Variants in LHFPL3 observed in about 807,000 individuals in gnomAD.
LHFPL3 encodes the protein LHFPL tetraspan subfamily member 3, also known as LHFPL tetraspan subfamily member 3 protein.
Under a neutral mutation model 19.3 loss-of-function variants are expected in LHFPL3, and 5 were observed. That is an observed-to-expected ratio of 0.26 (90% CI 0.14 to 0.54). The LOEUF is 0.54. Ranked by LOEUF, LHFPL3 falls within the 20% of genes least tolerant of loss-of-function variation. The pLI, the probability that LHFPL3 is intolerant of heterozygous loss-of-function variation, is 0.94. For synonymous variants in LHFPL3, 133 were observed against 126.2 expected (o/e 1.05, Z -0.36); for missense variants, 249 against 307.4 (o/e 0.81, Z 1.42).
intron 1 of LHFPL3, among the ~76,000 whole-genome samples, chr7:104,523,746 A>G (rs878938499): frequency 6.6e-6 from 1 of 152,234 alleles, no homozygotes; most frequent in African/African-American, 2.4e-5. Flanking sequence ...CAGTAACAGC[A>G]ACACAATAAA....
At chr7:104,365,185 G>A (rs562046582) in intron 1 of LHFPL3, among the ~76,000 whole-genome samples, 1 of 152,254 alleles carries the variant, frequency 6.6e-6, no homozygotes, top group South Asian at 2.1e-4. Context: ...TGTAATCCCA[G>A]CTATTCTAGA....
chr7:104,614,910 T>C (rs1379365469), intron 1 of LHFPL3, among the ~76,000 whole-genome samples: 1 of 151,118 alleles, frequency 6.6e-6, no homozygotes, highest in Non-Finnish European at 1.5e-5. Context: ...GCTACAGTGA[T>C]TGGCTAATTT....
intron 1 of LHFPL3, among the ~76,000 whole-genome samples, chr7:104,403,742 TC>T (rs1791362285): frequency 1.3e-5 from 2 of 152,066 alleles, no homozygotes; most frequent in Middle Eastern, 3.4e-3. Context: ...TCTCTCTCTC[TC>T]TCTCTCTCTC....
intron 1 of LHFPL3, among the ~76,000 whole-genome samples, chr7:104,405,835 C>T (rs1791402032): frequency 6.6e-6 from 1 of 152,112 alleles, no homozygotes. Context: ...TTATGTTAGA[C>T]CCCAGGCCAG....
intron 2 of LHFPL3, among the ~76,000 whole-genome samples, chr7:104,742,236 A>T (rs764110828): frequency 6.6e-6 from 1 of 152,198 alleles, no homozygotes; most frequent in African/African-American, 2.4e-5. Flanking sequence ...CCATTCATAA[A>T]GAGGTCTGTT....
chr7:104,475,402 T>C (rs1312658271), intron 1 of LHFPL3, among the ~76,000 whole-genome samples: 1 of 152,144 alleles, frequency 6.6e-6, no homozygotes, highest in African/African-American at 2.4e-5. Context: ...CTTTGGTATA[T>C]TAAAAATAAT....
intron 1 of LHFPL3, among the ~76,000 whole-genome samples, chr7:104,450,487 A>C (rs965449739): frequency 6.6e-6 from 1 of 152,074 alleles, no homozygotes; most frequent in Non-Finnish European, 1.5e-5. Context: ...AAAACAAAAC[A>C]CTGCATGTTC....
intron 1 of LHFPL3, chr7:104,623,073 C>A: frequency 3.5e-6 from 1 of 281,976 alleles, no homozygotes; most frequent in Non-Finnish European, 7.4e-6. Context: ...ATTTCTATAT[C>A]TTCTTTAGAG....
At chr7:104,393,916 A>G (rs931603849) in intron 1 of LHFPL3, among the ~76,000 whole-genome samples, 4 of 152,208 alleles carry the variant, frequency 2.6e-5, no homozygotes, top group African/African-American at 9.6e-5. Context: ...GAGACAGAAG[A>G]TAAATTAATG....
chr7:104,510,090 C>G (rs1316612567), intron 1 of LHFPL3, among the ~76,000 whole-genome samples: 1 of 149,034 alleles, frequency 6.7e-6, no homozygotes, highest in Admixed American at 6.7e-5. Context: ...AATCTCAAAA[C>G]TGAATACATG....
At chr7:104,603,066 TTTTCTTTC>T (rs373564018) in intron 1 of LHFPL3, among the ~76,000 whole-genome samples, 14,906 of 108,056 alleles carry the variant, frequency 0.14, 1,107 homozygotes, top group Non-Finnish European at 0.18. Flanking sequence ...CTTTCTTTCT[TTTTCTTTC>T]TTTCTTTCTT....
At chr7:104,417,703 A>G (rs1791648881) in intron 1 of LHFPL3, among the ~76,000 whole-genome samples, 1 of 152,152 alleles carries the variant, frequency 6.6e-6, no homozygotes, top group South Asian at 2.1e-4. Flanking sequence ...TTTCCAAGTT[A>G]CATTAATTCA....
At chr7:104,548,672 G>C (rs114146534) in intron 1 of LHFPL3, among the ~76,000 whole-genome samples, 2,097 of 152,268 alleles carry the variant, frequency 0.014, 43 homozygotes, top group African/African-American at 0.048. Context: ...GCTATAGCTT[G>C]GCCAACCCTG....
intron 1 of LHFPL3, among the ~76,000 whole-genome samples, chr7:104,580,309 T>C (rs1208566795): frequency 6.6e-6 from 1 of 152,116 alleles, no homozygotes; most frequent in African/African-American, 2.4e-5. Context: ...ACAATGTTAT[T>C]TTTTTCTTTT....
At chr7:104,378,811 C>T (rs1259581562) in intron 1 of LHFPL3, among the ~76,000 whole-genome samples, 1 of 152,120 alleles carries the variant, frequency 6.6e-6, no homozygotes, top group East Asian at 1.9e-4. Context: ...AGTGAAGTGT[C>T]TTTTCAACTC....
intron 1 of LHFPL3, among the ~76,000 whole-genome samples, chr7:104,329,482 G>A (rs192953555): frequency 5.8e-4 from 89 of 152,378 alleles, no homozygotes; most frequent in African/African-American, 2.1e-3. Context: ...GGGACGCCCC[G>A]GAGGCAGGGC....
At chr7:104,500,558 A>G (rs924141925) in intron 1 of LHFPL3, among the ~76,000 whole-genome samples, 8 of 152,134 alleles carry the variant, frequency 5.3e-5, no homozygotes, top group Non-Finnish European at 1.0e-4. Context: ...ATATCTCTTC[A>G]GTCCACTCAT....
intron 1 of LHFPL3, among the ~76,000 whole-genome samples, chr7:104,404,181 T>A (rs1791372888): frequency 6.6e-6 from 1 of 152,176 alleles, no homozygotes; most frequent in Admixed American, 6.5e-5. Flanking sequence ...GAGAATGAGA[T>A]CTTGAATCTT....
intron 1 of LHFPL3, among the ~76,000 whole-genome samples, chr7:104,711,835 A>C (rs1366551786): frequency 1.3e-5 from 2 of 152,226 alleles, no homozygotes; most frequent in African/African-American, 4.8e-5. Context: ...CCATATAATA[A>C]AGCTACAATT....
Sources: gnomAD v4.1 joint callset for allele counts (sites outside exome capture counted in the v4.1 genomes callset) on GRCh38, gnomAD v4.1.1 for gene constraint, MANE v1.5 for transcripts, NCBI Gene and HGNC (gene_info 2026-07-23, HGNC 2026-07-21) for gene names.